Variants in PDSS1 observed in about 807,000 individuals in gnomAD.
PDSS1 encodes the protein decaprenyl diphosphate synthase subunit 1.
Under a neutral mutation model 57.5 loss-of-function variants are expected in PDSS1, and 43 were observed. That is an observed-to-expected ratio of 0.75 (90% CI 0.59 to 0.96). The LOEUF is 0.96. PDSS1 is among the 50% of genes least tolerant of loss of function. The pLI is 0.00. For missense variants in PDSS1, 438 were observed against 527.8 expected (o/e 0.83, Z 1.67); for synonymous variants, 175 against 191.3 (o/e 0.91, Z 0.70).
At chr10:26,732,258 C>T (rs1362421492) in intron 8 of PDSS1, among the ~76,000 whole-genome samples, 1 of 152,166 alleles carries the variant, frequency 6.6e-6, no homozygotes, top group East Asian at 1.9e-4. Flanking sequence ...CAGATCTAGG[C>T]AGTACTGACC....
At chr10:26,732,803 T>A (rs1836258639) in intron 8 of PDSS1, among the ~76,000 whole-genome samples, 1 of 152,222 alleles carries the variant, frequency 6.6e-6, no homozygotes, top group Non-Finnish European at 1.5e-5. Flanking sequence ...GCTCCACACA[T>A]TTTAATCCAT....
chr10:26,736,364 T>G (rs556777675), intron 10 of PDSS1, among the ~76,000 whole-genome samples: 1 of 152,274 alleles, frequency 6.6e-6, no homozygotes, highest in African/African-American at 2.4e-5. Flanking sequence ...TAATTTGTTA[T>G]GTTGCAAAGC....
At chr10:26,743,468 T>C (rs1836699006) in intron 11 of PDSS1, among the ~76,000 whole-genome samples, 1 of 152,250 alleles carries the variant, frequency 6.6e-6, no homozygotes, top group South Asian at 2.1e-4. Flanking sequence ...CTCTCTTAAC[T>C]GACTATACTG....
chr10:26,701,284 C>T (rs1564414412), intron 1 of PDSS1, among the ~76,000 whole-genome samples: 1 of 152,248 alleles, frequency 6.6e-6, no homozygotes, highest in Admixed American at 6.5e-5. Context: ...TGGCTGCAGA[C>T]ATTTGCATAA....
chr10:26,740,708 C>T (rs754564574), intron 10 of PDSS1: 5 of 456,598 alleles, frequency 1.1e-5, no homozygotes, highest in African/African-American at 1.0e-4. Context: ...TCAAACACAT[C>T]TTACCTCTTC....
At chr10:26,734,866 T>C (rs941090280) in intron 8 of PDSS1, 2 of 425,714 alleles carry the variant, frequency 4.7e-6, no homozygotes, top group Admixed American at 5.7e-5. Flanking sequence ...TGCCGAGTGC[T>C]AGAAGTCAGT....
chr10:26,729,968 A>G (rs1002759895), intron 8 of PDSS1, among the ~76,000 whole-genome samples: 1 of 128,856 alleles, frequency 7.8e-6, no homozygotes, highest in African/African-American at 3.0e-5. Flanking sequence ...GCCGGAGTGC[A>G]GTGGCACTAT....
At chr10:26,736,421 G>C (rs1313755921) in intron 10 of PDSS1, among the ~76,000 whole-genome samples, 1 of 152,168 alleles carries the variant, frequency 6.6e-6, no homozygotes. Context: ...TTAGCTCTTT[G>C]GTGTAAAATT....
intron 2 of PDSS1, among the ~76,000 whole-genome samples, chr10:26,703,562 A>C (rs1037690214): frequency 3.9e-5 from 6 of 152,224 alleles, no homozygotes; most frequent in Non-Finnish European, 2.9e-5. Context: ...TACTGAACTC[A>C]TATGAATTAA....
At chr10:26,728,059 A>T (rs1232904771) in intron 8 of PDSS1, among the ~76,000 whole-genome samples, 2 of 152,166 alleles carry the variant, frequency 1.3e-5, no homozygotes, top group African/African-American at 4.8e-5. Flanking sequence ...GGATCGCTTG[A>T]TTAGGATACT....
At chr10:26,705,230 A>G (rs1201885660) in intron 3 of PDSS1, 56 bp from the exon 4 acceptor site, 7 of 915,186 alleles carry the variant, frequency 7.6e-6, no homozygotes, top group Non-Finnish European at 1.3e-5. Flanking sequence ...TACTAAATAT[A>G]TATGTATATA....
chr10:26,701,078 A>G (rs1261314319), intron 1 of PDSS1, among the ~76,000 whole-genome samples: 1 of 152,202 alleles, frequency 6.6e-6, no homozygotes. Context: ...GAACTGGGCA[A>G]AGGTCACTCT....
At position 26,723,796 on chromosome 10, in the gene PDSS1, C is replaced by A. The variant is rs1564427367; in HGVS notation, c.610-10C>A. 1.9e-6 allele frequency: 3 copies of A among 1,587,422 alleles called. No individual in the cohort carries two copies. Among genetic ancestry groups the A allele is most frequent in the South Asian group, 2.2e-5 (2 of 90,544 alleles). On this transcript the variant is annotated splice_polypyrimidine_tract_variant and intron_variant, in intron 6 of 11. Transcript: ENST00000376215. The stretch of plus-strand genomic sequence containing the variant: ...TCAGAACGTTCTGTTTTCCCCCTGT[C>A]TTTTTCTAGGCTGTTCTTGCTGGAG...
intron 8 of PDSS1, among the ~76,000 whole-genome samples, chr10:26,725,332 GAA>G (rs1158650320): frequency 6.6e-6 from 1 of 152,156 alleles, no homozygotes. Context: ...TCTCTGTTTT[GAA>G]AAGTGTCAAG....
chr10:26,718,558 C>G (rs1259979051), intron 5 of PDSS1, among the ~76,000 whole-genome samples: 1 of 151,972 alleles, frequency 6.6e-6, no homozygotes, highest in African/African-American at 2.4e-5. Flanking sequence ...GTCAGGAATT[C>G]AAGACCAGCC....
chr10:26,705,376 G>A lies in PDSS1; in HGVS notation c.318G>A (p.Leu106=), dbSNP rs1588670441. 6.3e-7 allele frequency: 1 copy of A among 1,585,864 alleles called. No homozygotes were observed. Among genetic ancestry groups the A allele is most frequent in the South Asian group, 1.1e-5 (1 of 90,410 alleles). ...FKLGWRDLKG[L]YEDIRKELLI... Reference sequence around the variant, plus strand: ...TCGGTTGGAGAGACTTGAAAGGTCTGTATGAGGACATTAGAAAGGTGAGTT... The same window carrying A: ...TCGGTTGGAGAGACTTGAAAGGTCTATATGAGGACATTAGAAAGGTGAGTT... Residue 106 remains leucine, a synonymous_variant, in exon 4 of 12, where the codon CTG becomes CTA. Transcript: ENST00000376215.
At chr10:26,707,208 C>T (rs573367830) in intron 4 of PDSS1, among the ~76,000 whole-genome samples, 12 of 152,250 alleles carry the variant, frequency 7.9e-5, no homozygotes, top group Middle Eastern at 3.4e-3. Context: ...CCATACCAGT[C>T]CCAGTTTTCC....
At chr10:26,727,417 A>G (rs925487512) in intron 8 of PDSS1, among the ~76,000 whole-genome samples, 3 of 146,174 alleles carry the variant, frequency 2.1e-5, no homozygotes, top group Non-Finnish European at 4.5e-5. Flanking sequence ...TCTTCCTATT[A>G]CTTGATTTTC....
At chr10:26,705,474 T>C (rs1835182172) in intron 4 of PDSS1, 80 bp downstream of exon 4, 2 of 575,416 alleles carry the variant, frequency 3.5e-6, no homozygotes, top group African/African-American at 2.0e-5. Context: ...TTTATTCTTA[T>C]AATTATTATT....
Sources: gnomAD v4.1 joint callset for allele counts (sites outside exome capture counted in the v4.1 genomes callset) on GRCh38, gnomAD v4.1.1 for gene constraint, MANE v1.5 for transcripts, NCBI Gene and HGNC (gene_info 2026-07-23, HGNC 2026-07-21) for gene names.